The following SLC2A8 variants were observed in gnomAD, a reference collection of about 807,000 sequenced individuals.
SLC2A8 encodes the protein solute carrier family 2, facilitated glucose transporter member 8.
SLC2A8 carries 53 observed loss-of-function variants against 49.2 expected under a neutral mutation model. The observed-to-expected ratio is 1.08, with a 90% CI of 0.86 to 1.35. SLC2A8 has a LOEUF of 1.35. Among genes scored for constraint, SLC2A8 ranks in the 40% most tolerant of loss-of-function variants. SLC2A8 has a pLI of 0.00. For missense variants in SLC2A8, 688 were observed against 671.7 expected (o/e 1.02, Z -0.27); for synonymous variants, 299 against 297.0 (o/e 1.01, Z -0.07).
chr9:127,398,795 A>C (rs1833150649), intron 3 of SLC2A8, among the ~76,000 whole-genome samples: 1 of 152,214 alleles, frequency 6.6e-6, no homozygotes, highest in Admixed American at 6.5e-5. Flanking sequence ...GACTTTGGAT[A>C]GACAGCCCCT....
chr9:127,401,336 T>C (rs1448592398), intron 4 of SLC2A8, among the ~76,000 whole-genome samples: 1 of 152,204 alleles, frequency 6.6e-6, no homozygotes, highest in African/African-American at 2.4e-5. Context: ...TTGAGAACCA[T>C]GGGGATCATC....
At position 127,397,514 on chromosome 9, in the gene SLC2A8, C is replaced by A; in HGVS notation, c.195C>A (p.Asp65Glu). The change falls in exon 2 of 10, where the codon GAC (aspartate) becomes GAA (glutamate). Residue 65 changes from aspartate (D) to glutamate (E), a missense_variant. Coordinates refer to ENST00000373371, the MANE Select transcript of SLC2A8 (RefSeq NM_014580.5). ...CCGCGCCCCCGGCCCCGCGCCTGGA[C>A]GACGCCGCCGCCTCCTGGTTCGGGG... ...QRAAPPAPRL[D>E]DAAASWFGAV... 4 of 1,430,880 alleles carry A rather than the reference C, an allele frequency of 2.8e-6. No homozygotes were observed. Among genetic ancestry groups the A allele is most frequent in the South Asian group, 2.9e-5 (2 of 69,366 alleles). The allele number at this position is 1,430,880 out of a possible 1,614,324, so 88.6% of individuals were successfully genotyped here. A position where few individuals can be genotyped will look rare whatever the true frequency, so the allele number is the denominator to read the frequency against.
Position 127,402,640 on chromosome 9 carries a change from G to C in SLC2A8, c.610G>C (p.Glu204Gln), listed in dbSNP as rs748609075. ...GCTGCTTCTCATGTGCTTCATGCCCGAGACCCCGCGCTTCCTGCTGACTCA... is the reference window on the plus strand; with the variant it reads ...GCTGCTTCTCATGTGCTTCATGCCCCAGACCCCGCGCTTCCTGCTGACTCA... ...LMLLLMCFMP[E>Q]TPRFLLTQHR... is the part of the protein sequence containing the mutation. The change falls in exon 5 of 10, where the codon GAG (glutamate) becomes CAG (glutamine). Residue 204 changes from glutamate to glutamine, a missense_variant. Transcript: ENST00000373371. The C allele has an allele frequency of 6.3e-7, 1 of 1,594,734 alleles. No homozygotes were observed. Among genetic ancestry groups the C allele is most frequent in the Non-Finnish European group, 8.5e-7 (1 of 1,172,870 alleles).
In SLC2A8 at chr9:127,404,042, G is replaced by A. The variant is rs927490821; in HGVS notation, c.951G>A (p.Gly317=). ...AVAALIMDRA[G]RRLLLVLSGV... ...CGGCTCTCATCATGGACAGAGCAGGGCGGAGGCTGCTCCTGGTCTTGTCAG... is the reference window on the plus strand; with the variant it reads ...CGGCTCTCATCATGGACAGAGCAGGACGGAGGCTGCTCCTGGTCTTGTCAG... The change falls in exon 7 of 10, where the codon GGG becomes GGA. Residue 317 remains glycine, a synonymous_variant. Transcript: ENST00000373371. 2 of 1,598,920 alleles carry A rather than the reference G, an allele frequency of 1.3e-6. No homozygotes were observed. The highest frequency in any genetic ancestry group is 2.7e-5 in the African/African-American group (2 of 74,762).
At chr9:127,397,312 G>A in intron 1 of SLC2A8, 26 bp downstream of exon 1, 1 of 1,380,716 alleles carries the variant, frequency 7.2e-7, no homozygotes, top group Non-Finnish European at 9.3e-7. Flanking sequence ...CCCGGGCCCG[G>A]ATGCGGCCTC....
chr9:127,404,838 A>G lies in SLC2A8; in HGVS notation c.997A>G (p.Thr333Ala), dbSNP rs775252358. 6.2e-7 allele frequency: 1 copy of G among 1,612,302 alleles called. No homozygotes were observed. The highest frequency in any genetic ancestry group is 1.7e-5 in the Admixed American group (1 of 60,004). The stretch of plus-strand genomic sequence containing the variant: ...TGCAGGTGTGGTCATGGTGTTCAGC[A>G]CGAGTGCCTTCGGCGCCTACTTCAA... ...VLSGVVMVFS[T>A]SAFGAYFKLT... is the part of the protein sequence containing the mutation. The change falls in exon 8 of 10, where the codon ACG becomes GCG. Residue 333 changes from threonine (T) to alanine (A), a missense_variant. Thr to Ala is a moderately conservative substitution (Grantham distance 58). Transcript: ENST00000373371.
chr9:127,405,053 G>A, intron 8 of SLC2A8, 62 bp downstream of exon 8: 1 of 1,532,550 alleles, frequency 6.5e-7, no homozygotes, highest in Non-Finnish European at 8.8e-7. Flanking sequence ...CCCTGCTGTG[G>A]CGGCTCCCGG....
chr9:127,403,582 A>G, intron 5 of SLC2A8, 78 bp from the exon 6 acceptor site: 7 of 1,572,516 alleles, frequency 4.5e-6, no homozygotes, highest in Non-Finnish European at 6.1e-6. Context: ...CCCAAGCCTT[A>G]GGACAGTAGA....
Position 127,397,507 on chromosome 9 carries a change from G to A in SLC2A8, c.188G>A (p.Arg63His). ...SLQRAAPPAPRLDDAAASWFG... is the reference protein window; with the variant it reads ...SLQRAAPPAPHLDDAAASWFG... ...CAGCGCGCCGCGCCCCCGGCCCCGC[G>A]CCTGGACGACGCCGCCGCCTCCTGG... The change falls in exon 2 of 10, where the codon CGC becomes CAC. Residue 63 changes from arginine to histidine, a missense_variant. Transcript: ENST00000373371. 1 of 1,438,448 alleles carries A rather than the reference G, an allele frequency of 7.0e-7. No homozygotes were observed. The highest frequency in any genetic ancestry group is 9.0e-7 in the Non-Finnish European group (1 of 1,106,978). The allele number at this position is 1,438,448 out of a possible 1,614,324, so 89.1% of individuals were successfully genotyped here.
At chr9:127,404,469 G>T (rs897235731) in intron 7 of SLC2A8, 20 of 355,334 alleles carry the variant, frequency 5.6e-5, no homozygotes, top group African/African-American at 4.2e-4. Flanking sequence ...GGAGTGGGAG[G>T]TGATCCACGT....
chr9:127,402,364 G>T (rs867499027), intron 4 of SLC2A8, 193 bp from the exon 5 acceptor site: 2 of 806,708 alleles, frequency 2.5e-6, no homozygotes, highest in Non-Finnish European at 3.6e-6. Flanking sequence ...TGTCGCTTCC[G>T]CAGCTGGTGT....
rs796202714 is a variant in SLC2A8, at chr9:127,400,166, C to CTTTT, written c.526+174_526+177dup. Among the ~76,000 whole-genome samples the CTTTT allele has an allele frequency of 5.6e-4, 65 of 116,810 alleles. 2 individuals carry two copies. Among genetic ancestry groups the CTTTT allele is most frequent in the African/African-American group, 2.0e-3 (60 of 29,480 alleles). 76.6% of individuals were successfully genotyped at this position (116,810 alleles called of 152,430 possible). On this transcript the variant is annotated intron_variant, in intron 4 of 9. Transcript: ENST00000373371. ...TCCTGGGACCTTGGGATAGGTGAGTCTTTTTTTTTTTTTTTTTGAGACAGA... is the reference window on the plus strand; with the variant it reads ...TCCTGGGACCTTGGGATAGGTGAGTCTTTTTTTTTTTTTTTTTTTTTGAGACAGA...
intron 7 of SLC2A8, 34 bp downstream of exon 7, chr9:127,404,101 T>TG (rs780049390): frequency 2.0e-5 from 30 of 1,502,562 alleles, no homozygotes; most frequent in East Asian, 1.6e-4. Flanking sequence ...CTCCCCGCCA[T>TG]GCGGGGGAGG....
chr9:127,400,564 C>A (rs1833245990), intron 4 of SLC2A8, among the ~76,000 whole-genome samples: 1 of 152,140 alleles, frequency 6.6e-6, no homozygotes, highest in Admixed American at 6.5e-5. Flanking sequence ...CTGCTTAGGT[C>A]AGTACCTTAC....
At chr9:127,398,954 C>G (rs947613438) in intron 3 of SLC2A8, among the ~76,000 whole-genome samples, 1 of 152,258 alleles carries the variant, frequency 6.6e-6, no homozygotes, top group Admixed American at 6.5e-5. Flanking sequence ...CGTTTGCTAA[C>G]CGGCAGCAGC....
intron 4 of SLC2A8, 108 bp downstream of exon 4, chr9:127,400,114 C>A: frequency 1.1e-6 from 1 of 874,418 alleles, no homozygotes; most frequent in Non-Finnish European, 1.8e-6. Context: ...GGTCACATAG[C>A]CAGTGCCCAA....
chr9:127,397,825 C>A, intron 2 of SLC2A8, 80 bp from the exon 3 acceptor site: 1 of 1,364,804 alleles, frequency 7.3e-7, no homozygotes, highest in Non-Finnish European at 9.6e-7. Context: ...TCTTTTACCT[C>A]TGAGCCCGCG....
At position 127,403,581 on chromosome 9, in the gene SLC2A8, T is replaced by C. The variant is rs1833373784; in HGVS notation, c.724-79T>C. ...GTGGGAGTCAGCGCTCCCCAAGCCT[T>C]AGGACAGTAGACCCCCAGAGGGGGG... On this transcript the variant is annotated intron_variant, in intron 5 of 9. Transcript: ENST00000373371. The C allele has an allele frequency of 7.6e-6, 12 of 1,573,558 alleles. No homozygotes were observed. In the South Asian group the frequency reaches 1.2e-4, roughly 16 times the overall value.
Position 127,404,948 on chromosome 9 carries a change from G to C in SLC2A8, c.1107G>C (p.Gly369=), listed in dbSNP as rs764711352. The C allele has an allele frequency of 6.2e-7, 1 of 1,610,206 alleles. No homozygotes were observed. ...CACAGCCTGTTGATGCCAGCGTGGG[G>C]CTGGCCTGGCTGGCCGTGGGCAGCA... is the stretch of plus-strand genomic sequence containing the variant. ...VSAQPVDASV[G]LAWLAVGSMC... Residue 369 remains glycine (G), a synonymous_variant, in exon 8 of 10, where the codon GGG becomes GGC. Transcript: ENST00000373371.
Sources: allele counts gnomAD v4.1 joint callset (sites outside exome capture counted in the v4.1 genomes callset), GRCh38; gene constraint gnomAD v4.1.1; transcripts MANE v1.5; gene names NCBI Gene and HGNC (gene_info 2026-07-23, HGNC 2026-07-21).